The following ACACA variants were observed in gnomAD, a reference collection of about 807,000 sequenced individuals.
The protein encoded by ACACA is acetyl-CoA carboxylase alpha.
In ACACA, 103 loss-of-function variants were observed where a neutral mutation model predicts 296.1. That is an observed-to-expected ratio of 0.35 (90% CI 0.30 to 0.41). ACACA has a LOEUF of 0.41. Among genes scored for constraint, ACACA ranks in the 10% least tolerant of loss-of-function variants. The pLI, the probability that ACACA is intolerant of heterozygous loss-of-function variation, is 1.00. For synonymous variants in ACACA, 953 were observed against 1,038.6 expected, an observed-to-expected ratio of 0.92 and a Z score of 1.58; for missense variants, 1,554 against 2,989.7, an observed-to-expected ratio of 0.52 and a Z score of 11.20.
At chr17:37,237,870 T>G (rs1241218648) in intron 24 of ACACA, among the ~76,000 whole-genome samples, 2 of 152,128 alleles carry the variant, frequency 1.3e-5, no homozygotes, top group African/African-American at 4.8e-5. Context: ...CAGGCAATCC[T>G]CCAACCTGAG....
intron 5 of ACACA, 93 bp from the exon 6 acceptor site, chr17:37,278,098 A>G: frequency 2.2e-6 from 2 of 907,152 alleles, no homozygotes; most frequent in Non-Finnish European, 1.8e-6. Flanking sequence ...AGGGACTATC[A>G]TAAGTAACCA....
At chr17:37,390,739 G>A (rs1273500172) in intron 1 of ACACA, among the ~76,000 whole-genome samples, 3 of 150,586 alleles carry the variant, frequency 2.0e-5, no homozygotes, top group Non-Finnish European at 3.0e-5. Context: ...TCTGCAATGA[G>A]CTATGATCGA....
At chr17:37,367,040 A>G (rs1446956946) in intron 1 of ACACA, 1 of 152,004 alleles carries the variant, frequency 6.6e-6, no homozygotes, top group East Asian at 1.9e-4. Context: ...GTGAGCCAAG[A>G]TCATGCCATT....
At chr17:37,267,104 T>C (rs1392557595) in intron 10 of ACACA, among the ~76,000 whole-genome samples, 2 of 152,244 alleles carry the variant, frequency 1.3e-5, no homozygotes, top group African/African-American at 4.8e-5. Flanking sequence ...AATTATCCAT[T>C]GATACCTAAC....
At position 37,245,068 on chromosome 17, in the gene ACACA, C is replaced by T. The variant is rs528236040; in HGVS notation, c.2595+12G>A. Reference sequence around the variant, plus strand: ...TCTTAGAGAGCAATATTCGGAGCACCTTCCTACTCACCTGCTGAACCTTGC... The same window carrying T: ...TCTTAGAGAGCAATATTCGGAGCACTTTCCTACTCACCTGCTGAACCTTGC... On this transcript the variant is annotated intron_variant, in intron 20 of 55. Transcript: ENST00000616317. 1.2e-6 allele frequency: 2 copies of T among 1,614,172 alleles called. No individual in the cohort carries two copies. Among genetic ancestry groups the T allele is most frequent in the South Asian group, 1.1e-5 (1 of 91,076 alleles).
Position 37,243,398 on chromosome 17 carries a change from T to C in ACACA, c.2904A>G (p.Ser968=), listed in dbSNP as rs748248712. 1 of 1,614,068 alleles carries C rather than the reference T, an allele frequency of 6.2e-7. No individual in the cohort carries two copies. The highest frequency in any genetic ancestry group is 1.3e-5 in the African/African-American group (1 of 74,912). The change falls in exon 22 of 56, where the codon TCA becomes TCG. Residue 968 remains serine (S), a synonymous_variant. Transcript: ENST00000616317. ...GCTGGCTGGGAAACTGACAGAGGAC[T>C]GATGTGATGTTGCTAGCATACTGAG... ...EMAQYASNIT[S]VLCQFPSQQI...
intron 11 of ACACA, among the ~76,000 whole-genome samples, chr17:37,260,273 TA>T (rs1567898939): frequency 2.8e-4 from 8 of 28,118 alleles, no homozygotes; most frequent in Admixed American, 4.8e-4. Context: ...TATATATATA[TA>T]TATATATATA....
chr17:37,235,045 T>C lies in ACACA; in HGVS notation c.3176A>G (p.Asn1059Ser), dbSNP rs765575240. The change falls in exon 25 of 56, where the codon AAC becomes AGC. Residue 1059 changes from asparagine (N) to serine (S), a missense_variant. Physicochemically the swap from Asn to Ser is conservative, Grantham distance 46. Transcript: ENST00000616317. ...ALREENKSDM[N>S]TVLNYIFSHA... ...AGAGAAGATGTAGTTCAGTACAGTG[T>C]TCATGTCACTTTTATTCTCTTCTCG... is the stretch of plus-strand genomic sequence containing the variant. 6.2e-7 allele frequency: 1 copy of C among 1,613,974 alleles called. No homozygotes were observed. Among genetic ancestry groups the C allele is most frequent in the South Asian group, 1.1e-5 (1 of 91,072 alleles).
intron 36 of ACACA, 149 bp downstream of exon 36, chr17:37,193,225 G>A (rs907229736): frequency 9.3e-5 from 61 of 653,792 alleles, no homozygotes; most frequent in Non-Finnish European, 1.4e-4. Flanking sequence ...ATTGGCTTTA[G>A]TTCTAAGACA....
At chr17:37,336,774 ACT>A (rs1226765766) in intron 2 of ACACA, among the ~76,000 whole-genome samples, 3 of 152,218 alleles carry the variant, frequency 2.0e-5, no homozygotes, top group Non-Finnish European at 4.4e-5. Context: ...ATTATTAATA[ACT>A]CTGTATGCTA....
At position 37,406,486 on chromosome 17, in the gene ACACA, C is replaced by T. The variant is rs1239544929; in HGVS notation, c.-187G>A. 1.5e-5 allele frequency: 10 copies of T among 673,058 alleles called. No homozygotes were observed. The East Asian group carries it at 2.3e-4, about 16-fold the overall frequency. The allele number at this position is 673,058 out of a possible 1,614,324, so 41.7% of individuals were successfully genotyped here. On this transcript the variant is annotated 5_prime_UTR_variant, in exon 1 of 56. Coordinates refer to ENST00000616317, the MANE Select transcript of ACACA (RefSeq NM_198834.3). ...GGACTGGAGAGGCGCCACGGCTCGC[C>T]GTCCCTGGGCCCAGTTCCCTCAGCC...
At chr17:37,167,119 A>AT (rs11290127) in intron 41 of ACACA, among the ~76,000 whole-genome samples, 43,492 of 101,278 alleles carry the variant, frequency 0.43, 9,286 homozygotes, top group East Asian at 0.74. Context: ...TAATTTTTGC[A>AT]TTTTTTTTTT....
chr17:37,272,710 G>A (rs552331960), intron 9 of ACACA, among the ~76,000 whole-genome samples: 75 of 152,114 alleles, frequency 4.9e-4, no homozygotes, highest in African/African-American at 1.7e-3. Context: ...GTAAGGAGCG[G>A]GGAGGTAGAA....
chr17:37,094,466 A>G (rs947172532), intron 54 of ACACA, among the ~76,000 whole-genome samples: 7 of 152,092 alleles, frequency 4.6e-5, no homozygotes, highest in African/African-American at 1.7e-4. Flanking sequence ...ACCAACCACA[A>G]TAAGGATTAG....
chr17:37,321,938 A>T (rs1305011061), intron 3 of ACACA, among the ~76,000 whole-genome samples: 1 of 149,022 alleles, frequency 6.7e-6, no homozygotes, highest in Non-Finnish European at 1.5e-5. Flanking sequence ...GCAAGACTCC[A>T]TCTCAAAAAA....
At chr17:37,236,481 T>G (rs891664526) in intron 24 of ACACA, among the ~76,000 whole-genome samples, 13 of 151,312 alleles carry the variant, frequency 8.6e-5, no homozygotes, top group African/African-American at 1.5e-4. Context: ...CTTTCTTGTT[T>G]TTTTTTTTTT....
intron 5 of ACACA, among the ~76,000 whole-genome samples, chr17:37,280,618 A>T (rs142415612): frequency 1.5e-3 from 234 of 152,232 alleles, no homozygotes; most frequent in African/African-American, 5.4e-3. Context: ...ATAATTGTGC[A>T]CGGGGTTAAG....
chr17:37,198,103 T>C (rs148600874), intron 35 of ACACA, among the ~76,000 whole-genome samples: 219 of 152,332 alleles, frequency 1.4e-3, no homozygotes, highest in Admixed American at 3.9e-3. Context: ...AGCTGTTAAG[T>C]ATACTCTTAA....
chr17:37,195,512 T>C (rs1240570033), intron 35 of ACACA, among the ~76,000 whole-genome samples: 1 of 152,072 alleles, frequency 6.6e-6, no homozygotes, highest in Admixed American at 6.6e-5. Flanking sequence ...CATGAGATCA[T>C]ATAAACAACT....
Sources: gnomAD v4.1 joint callset for allele counts (sites outside exome capture counted in the v4.1 genomes callset) on GRCh38, gnomAD v4.1.1 for gene constraint, MANE v1.5 for transcripts, NCBI Gene and HGNC (gene_info 2026-07-23, HGNC 2026-07-21) for gene names.